Variants in NLGN1 observed in about 807,000 individuals in gnomAD.
The protein encoded by NLGN1 is neuroligin 1.
A neutral mutation model predicts 65.5 loss-of-function variants in NLGN1; 12 were observed. The observed-to-expected ratio is 0.18, with a 90% CI of 0.12 to 0.30. The LOEUF (loss-of-function observed/expected upper bound fraction) is 0.30. Ranked by LOEUF, NLGN1 falls within the 10% of genes least tolerant of loss-of-function variation. The pLI, the probability that NLGN1 is intolerant of heterozygous loss-of-function variation, is 1.00. For synonymous variants in NLGN1, 350 were observed against 359.5 expected, an observed-to-expected ratio of 0.97 and a Z score of 0.30; for missense variants, 750 against 1,007.1, an observed-to-expected ratio of 0.74 and a Z score of 3.46.
chr3:173,863,215 T>TA lies in NLGN1; in HGVS notation c.646+55389dup, dbSNP rs775297506. Reference sequence around the variant, plus strand: ...GTTCCTTTTTTAAGTTAAAAAGCTATAAAAAATTAATGTGATTGTTCTGGT... The same window carrying TA: ...GTTCCTTTTTTAAGTTAAAAAGCTATAAAAAAATTAATGTGATTGTTCTGGT... On this transcript the variant is annotated intron_variant, in intron 4 of 6. Coordinates refer to ENST00000457714, the Ensembl canonical transcript of NLGN1. Among the ~76,000 whole-genome samples the TA allele has an allele frequency of 9.9e-5, 15 of 152,226 alleles. 1 individual carries two copies. Among genetic ancestry groups the TA allele is most frequent in the Admixed American group, 3.9e-4 (6 of 15,298 alleles).
chr3:173,562,300 G>A (rs1742862648), intron 2 of NLGN1, among the ~76,000 whole-genome samples: 1 of 152,194 alleles, frequency 6.6e-6, no homozygotes, highest in South Asian at 2.1e-4. Flanking sequence ...TGGGTGCTGT[G>A]GCTCACGCCT....
At chr3:174,246,773 A>T (rs749463274) in intron 4 of NLGN1, among the ~76,000 whole-genome samples, 3 of 151,890 alleles carry the variant, frequency 2.0e-5, no homozygotes, top group Admixed American at 6.6e-5. Context: ...GAGGAAATAC[A>T]CTCATGAATG....
intron 4 of NLGN1, chr3:173,910,494 T>A (rs1389323590): frequency 6.6e-6 from 1 of 152,164 alleles, no homozygotes; most frequent in East Asian, 1.9e-4. Flanking sequence ...ACAGTGATTC[T>A]CTCTTTCTTC....
intron 3 of NLGN1, among the ~76,000 whole-genome samples, chr3:173,709,702 C>G (rs547337810): frequency 6.8e-6 from 1 of 147,818 alleles, no homozygotes; most frequent in Middle Eastern, 3.6e-3. Context: ...ACTCGAGAGG[C>G]TGAGGCAGGA....
intron 4 of NLGN1, among the ~76,000 whole-genome samples, chr3:174,128,322 T>C (rs1265913483): frequency 2.0e-5 from 3 of 152,176 alleles, no homozygotes; most frequent in African/African-American, 7.2e-5. Flanking sequence ...GGTGTAATAA[T>C]TTAAATTTGA....
At chr3:173,517,802 CA>C (rs778083581) in intron 2 of NLGN1, among the ~76,000 whole-genome samples, 10 of 122,932 alleles carry the variant, frequency 8.1e-5, no homozygotes, top group African/African-American at 1.7e-4. Flanking sequence ...ATCTATCTAT[CA>C]TATCTATCTG....
intron 2 of NLGN1, among the ~76,000 whole-genome samples, chr3:173,456,314 T>C (rs923746384): frequency 6.6e-6 from 1 of 152,100 alleles, no homozygotes; most frequent in African/African-American, 2.4e-5. Flanking sequence ...CAGCATTTAC[T>C]AGTGTGGCAA....
intron 4 of NLGN1, among the ~76,000 whole-genome samples, chr3:174,102,507 G>T (rs933166695): frequency 6.6e-6 from 1 of 151,924 alleles, no homozygotes; most frequent in Admixed American, 6.6e-5. Context: ...CCTTTCAAAC[G>T]CAAACACCTC....
intron 3 of NLGN1, among the ~76,000 whole-genome samples, chr3:173,752,635 T>C (rs1776471675): frequency 6.6e-6 from 1 of 152,280 alleles, no homozygotes; most frequent in Non-Finnish European, 1.5e-5. Context: ...CTCCTCTCTC[T>C]TTCTGGAACT....
At chr3:173,648,329 C>G (rs1461848505) in intron 3 of NLGN1, among the ~76,000 whole-genome samples, 3 of 151,902 alleles carry the variant, frequency 2.0e-5, no homozygotes, top group African/African-American at 7.3e-5. Flanking sequence ...AAAATAAAAA[C>G]CAGTCAAAAT....
rs189962133 is a variant in NLGN1 at position 173,539,447 on chromosome 3, A to G, written c.-320-64832A>G. On this transcript the variant is annotated intron_variant, in intron 2 of 6. Coordinates refer to ENST00000457714, the Ensembl canonical transcript of NLGN1. ...ATATATAACATATATATGTACATGT[A>G]TATACATACATGTACATATGTATAT... Among the ~76,000 whole-genome samples the G allele has an allele frequency of 1.1e-3, 156 of 145,742 alleles. 1 individual carries two copies. Among genetic ancestry groups the G allele is most frequent in the Non-Finnish European group, 1.5e-3 (98 of 66,774 alleles).
chr3:173,621,951 A>T (rs1014683119), intron 3 of NLGN1, among the ~76,000 whole-genome samples: 1 of 152,112 alleles, frequency 6.6e-6, no homozygotes, highest in Non-Finnish European at 1.5e-5. Flanking sequence ...ATGCCTTTGT[A>T]GTGTGTTCAA....
intron 2 of NLGN1, among the ~76,000 whole-genome samples, chr3:173,479,861 C>T (rs1726947161): frequency 6.6e-6 from 1 of 152,042 alleles, no homozygotes; most frequent in African/African-American, 2.4e-5. Context: ...ACATAACCAT[C>T]TTTATTTTTA....
chr3:173,715,791 G>A (rs181025273), intron 3 of NLGN1, among the ~76,000 whole-genome samples: 1 of 152,094 alleles, frequency 6.6e-6, no homozygotes, highest in African/African-American at 2.4e-5. Context: ...GTCACAAACT[G>A]CTTTAGTTGA....
At chr3:174,079,310 G>A (rs1157884187) in intron 4 of NLGN1, among the ~76,000 whole-genome samples, 1 of 152,130 alleles carries the variant, frequency 6.6e-6, no homozygotes, top group Non-Finnish European at 1.5e-5. Flanking sequence ...CTGATCTTTA[G>A]AGAAATGCCA....
chr3:173,720,898 C>T (rs532877553), intron 3 of NLGN1, among the ~76,000 whole-genome samples: 14 of 152,142 alleles, frequency 9.2e-5, no homozygotes, highest in African/African-American at 2.7e-4. Context: ...AAGGTATCTA[C>T]GTAGAGCTAT....
At chr3:173,623,342 GATT>G (rs1754315939) in intron 3 of NLGN1, among the ~76,000 whole-genome samples, 1 of 142,166 alleles carries the variant, frequency 7.0e-6, no homozygotes, top group Non-Finnish European at 1.5e-5. Flanking sequence ...GGGGAAATGT[GATT>G]ATTTTTGTGA....
At chr3:173,438,486 G>T (rs1429452216) in intron 2 of NLGN1, among the ~76,000 whole-genome samples, 1 of 152,112 alleles carries the variant, frequency 6.6e-6, no homozygotes. Context: ...TGGGCTCACA[G>T]ATCCAATATG....
intron 2 of NLGN1, among the ~76,000 whole-genome samples, chr3:173,501,721 A>ATAAATAGAATTTATAG (rs1206164276): frequency 1.3e-5 from 2 of 151,324 alleles, no homozygotes; most frequent in African/African-American, 4.8e-5. Context: ...TTCTATACAT[A>ATAAATAGAATTTATAG]AAATTCTATA....
Sources: allele counts gnomAD v4.1 joint callset (sites outside exome capture counted in the v4.1 genomes callset), GRCh38; gene constraint gnomAD v4.1.1; transcripts MANE v1.5; gene names NCBI Gene and HGNC (gene_info 2026-07-23, HGNC 2026-07-21).